Variants in ASAP1 observed in about 807,000 individuals in gnomAD.
ASAP1 encodes the protein ArfGAP with SH3 domain, ankyrin repeat and PH domain 1.
A neutral mutation model predicts 145.2 loss-of-function variants in ASAP1; 43 were observed. The ratio of observed to expected loss-of-function variants is 0.30; its 90% CI spans 0.23 to 0.38. The LOEUF (loss-of-function observed/expected upper bound fraction) is 0.38, where lower values mean the gene tolerates loss of function less well. Ranked by LOEUF, ASAP1 falls within the 10% of genes least tolerant of loss-of-function variation. The pLI, the probability that ASAP1 is intolerant of heterozygous loss-of-function variation, is 1.00. For missense variants in ASAP1, 1,018 were observed against 1,355.3 expected (o/e 0.75, Z 3.91); for synonymous variants, 546 against 515.5 (o/e 1.06, Z -0.80).
intron 5 of ASAP1, among the ~76,000 whole-genome samples, chr8:130,188,495 A>C (rs902349609): frequency 6.6e-6 from 1 of 151,870 alleles, no homozygotes; most frequent in Non-Finnish European, 1.5e-5. Context: ...GCACTTTGGG[A>C]GGCTGAGGCA....
At chr8:130,148,092 A>C (rs532167780) in intron 13 of ASAP1, among the ~76,000 whole-genome samples, 1 of 152,346 alleles carries the variant, frequency 6.6e-6, no homozygotes, top group Non-Finnish European at 1.5e-5. Flanking sequence ...AATCCCTTAC[A>C]GCCCTCTCTA....
chr8:130,201,566 A>G (rs925016626), intron 5 of ASAP1, among the ~76,000 whole-genome samples: 4 of 152,224 alleles, frequency 2.6e-5, no homozygotes, highest in African/African-American at 9.6e-5. Flanking sequence ...TTCCCTGTGC[A>G]TTATCTGCAG....
chr8:130,339,372 GTTTAGGAC>G (rs1256992601), intron 3 of ASAP1, among the ~76,000 whole-genome samples: 1 of 152,184 alleles, frequency 6.6e-6, no homozygotes, highest in Non-Finnish European at 1.5e-5. Context: ...TGAACAAACA[GTTTAGGAC>G]TTTATGGAGA....
In ASAP1 at chr8:130,216,044, GAAAAGAAAGA is replaced by G. The variant is rs1816908326; in HGVS notation, c.260-1353_260-1344del. On this transcript the variant is annotated intron_variant, in intron 4 of 29. Coordinates refer to ENST00000518721, the MANE Select transcript of ASAP1 (RefSeq NM_018482.4). ...AAGGAAAGGAAAGGAAAAAGGAAAG[GAAAAGAAAGA>G]AAAGGAAAAAGGAAAGGAAAGGGAA... Among the ~76,000 whole-genome samples, 4 of 127,504 alleles carry G rather than the reference GAAAAGAAAGA, an allele frequency of 3.1e-5. No individual in the cohort carries two copies. In the East Asian group the frequency reaches 6.5e-4, roughly 21 times the overall value. 83.6% of individuals were successfully genotyped at this position (127,504 alleles called of 152,430 possible). A position where few individuals can be genotyped will look rare whatever the true frequency, so the allele number is the denominator to read the frequency against.
At chr8:130,089,595 C>G (rs1475098267) in intron 25 of ASAP1, among the ~76,000 whole-genome samples, 1 of 152,192 alleles carries the variant, frequency 6.6e-6, no homozygotes, top group East Asian at 1.9e-4. Flanking sequence ...CCTGTCTGGG[C>G]CCTGCCTTTG....
At chr8:130,256,749 ATATATATATATATATATAT>A (rs1819554767) in intron 3 of ASAP1, among the ~76,000 whole-genome samples, 1 of 36,144 alleles carries the variant, frequency 2.8e-5, no homozygotes, top group African/African-American at 1.0e-4. Context: ...TTATATATAT[ATATATATATATATATATAT>A]ATATATATAT....
At chr8:130,441,418 A>T (rs1431784140) in intron 1 of ASAP1, among the ~76,000 whole-genome samples, 1 of 152,208 alleles carries the variant, frequency 6.6e-6, no homozygotes, top group Non-Finnish European at 1.5e-5. Flanking sequence ...CTCCTAGAAA[A>T]GACCTTCCGG....
At chr8:130,134,030 C>G (rs180757634) in intron 15 of ASAP1, among the ~76,000 whole-genome samples, 2 of 152,286 alleles carry the variant, frequency 1.3e-5, no homozygotes, top group Admixed American at 6.5e-5. Context: ...TATGAAGAGG[C>G]CGCGGGCAAG....
intron 2 of ASAP1, among the ~76,000 whole-genome samples, chr8:130,374,034 T>TTAA (rs1827358625): frequency 1.1e-5 from 1 of 94,398 alleles, no homozygotes; most frequent in South Asian, 4.2e-4. Flanking sequence ...TAACTCCCTT[T>TTAA]AAAAAAAAAA....
chr8:130,353,938 G>C (rs968950441), intron 3 of ASAP1, among the ~76,000 whole-genome samples: 4 of 152,018 alleles, frequency 2.6e-5, no homozygotes, highest in African/African-American at 9.7e-5. Flanking sequence ...CCAGGCTGGA[G>C]TGCAGTGGCG....
At chr8:130,415,218 A>T in intron 1 of ASAP1, among the ~76,000 whole-genome samples, 1 of 151,390 alleles carries the variant, frequency 6.6e-6, no homozygotes, top group African/African-American at 2.5e-5. Flanking sequence ...CTTTTAAACT[A>T]CAGGGTAATT....
intron 1 of ASAP1, among the ~76,000 whole-genome samples, chr8:130,421,653 A>T (rs1000077303): frequency 6.6e-6 from 1 of 152,206 alleles, no homozygotes; most frequent in African/African-American, 2.4e-5. Context: ...GCAGAGGCCT[A>T]GGTCTATGAG....
At chr8:130,075,771 A>C (rs1005820650) in intron 27 of ASAP1, among the ~76,000 whole-genome samples, 2 of 152,212 alleles carry the variant, frequency 1.3e-5, no homozygotes, top group Non-Finnish European at 2.9e-5. Flanking sequence ...TGAGTGTCTT[A>C]GCTTGGCAAA....
chr8:130,331,056 G>A (rs1243632658), intron 3 of ASAP1, among the ~76,000 whole-genome samples: 1 of 152,122 alleles, frequency 6.6e-6, no homozygotes, highest in Non-Finnish European at 1.5e-5. Context: ...GCTGCAAAAA[G>A]GGAATAAGAT....
intron 1 of ASAP1, among the ~76,000 whole-genome samples, chr8:130,429,061 G>A (rs1212725698): frequency 6.6e-6 from 1 of 152,188 alleles, no homozygotes; most frequent in Non-Finnish European, 1.5e-5. Context: ...TGCAGTCACA[G>A]GGGTGTCTTC....
chr8:130,325,103 T>TG (rs1309012581), intron 3 of ASAP1, among the ~76,000 whole-genome samples: 1 of 152,126 alleles, frequency 6.6e-6, no homozygotes, highest in African/African-American at 2.4e-5. Context: ...TGACAAATTC[T>TG]GGGGGGCGGA....
intron 24 of ASAP1, among the ~76,000 whole-genome samples, chr8:130,107,534 GTATGTATGTAT>G (rs1355140371): frequency 2.1e-4 from 18 of 87,200 alleles, no homozygotes; most frequent in South Asian, 5.4e-4. Flanking sequence ...ATGTATGTAT[GTATGTATGTAT>G]GTATGTATGT....
At chr8:130,255,765 A>G (rs1472005858) in intron 3 of ASAP1, among the ~76,000 whole-genome samples, 1 of 152,234 alleles carries the variant, frequency 6.6e-6, no homozygotes, top group African/African-American at 2.4e-5. Context: ...AACACTGACA[A>G]AAAGTCTTGC....
intron 24 of ASAP1, among the ~76,000 whole-genome samples, chr8:130,094,625 C>G (rs1288943276): frequency 6.6e-6 from 1 of 152,108 alleles, no homozygotes; most frequent in Non-Finnish European, 1.5e-5. Context: ...GCCGAGAACT[C>G]AGAGGCATGA....
Sources: gnomAD v4.1 joint callset for allele counts (sites outside exome capture counted in the v4.1 genomes callset) on GRCh38, gnomAD v4.1.1 for gene constraint, MANE v1.5 for transcripts, NCBI Gene and HGNC (gene_info 2026-07-23, HGNC 2026-07-21) for gene names.